Variants in IFNGR2 observed in about 807,000 individuals in gnomAD.
The protein encoded by IFNGR2 is interferon gamma receptor 2.
Under a neutral mutation model 41.1 loss-of-function variants are expected in IFNGR2, and 15 were observed. The ratio of observed to expected loss-of-function variants is 0.37; its 90% CI spans 0.24 to 0.56. IFNGR2 has a LOEUF of 0.56. Among genes scored for constraint, IFNGR2 ranks in the 20% least tolerant of loss-of-function variants. The probability of loss-of-function intolerance (pLI) is 0.81; values close to 1 mark genes in which losing one functional copy is unlikely to be tolerated. For missense variants in IFNGR2, 362 were observed against 415.7 expected, an observed-to-expected ratio of 0.87 and a Z score of 1.12; for synonymous variants, 161 against 171.6, an observed-to-expected ratio of 0.94 and a Z score of 0.48.
chr21:33,414,940 C>T lies in IFNGR2; in HGVS notation c.126C>T (p.Asn42=), dbSNP rs376457511. The T allele has an allele frequency of 1.7e-4, 267 of 1,614,172 alleles. 2 individuals carry two copies. Among genetic ancestry groups the T allele is most frequent in the East Asian group, 1.2e-3 (52 of 44,890 alleles). ...APQHPKIRLY[N]AEQVLSWEPV... Reference sequence around the variant, plus strand: ...AGCACCCGAAGATTCGCCTGTACAACGCAGAGCAGGTCCTGAGTTGGGAGC... The same window carrying T: ...AGCACCCGAAGATTCGCCTGTACAATGCAGAGCAGGTCCTGAGTTGGGAGC... The change falls in exon 2 of 7, where the codon AAC becomes AAT. Residue 42 remains asparagine (N), a synonymous_variant. Coordinates refer to ENST00000290219, the MANE Select transcript of IFNGR2 (RefSeq NM_005534.4).
In IFNGR2 at chr21:33,427,026, C is replaced by T. The variant is rs759324312; in HGVS notation, c.555C>T (p.Ile185=). The change falls in exon 4 of 7, where the codon ATC becomes ATT. Residue 185 remains isoleucine (I), a synonymous_variant. Coordinates refer to ENST00000290219, the MANE Select transcript of IFNGR2 (RefSeq NM_005534.4). ...TCCATTACTGGGAAAAAGGAGGAAT[C>T]CAACAGGCAAGAGCATCTTTCTTTT... ...YYVHYWEKGG[I]QQVKGPFRSN... is the part of the protein sequence containing the mutation. 3 of 1,611,156 alleles carry T rather than the reference C, an allele frequency of 1.9e-6. No homozygotes were observed. In the South Asian group the frequency reaches 3.3e-5, roughly 18 times the overall value.
chr21:33,418,597 T>C (rs2083769722), intron 2 of IFNGR2, among the ~76,000 whole-genome samples: 1 of 152,188 alleles, frequency 6.6e-6, no homozygotes, highest in Non-Finnish European at 1.5e-5. Flanking sequence ...CAATAAAGCA[T>C]TGCTATGATT....
intron 2 of IFNGR2, among the ~76,000 whole-genome samples, chr21:33,419,768 C>G (rs1357595032): frequency 6.6e-6 from 1 of 152,194 alleles, no homozygotes; most frequent in African/African-American, 2.4e-5. Flanking sequence ...GATGGACTTA[C>G]TTAATGTTTT....
chr21:33,425,947 C>T (rs1230115897), intron 3 of IFNGR2, among the ~76,000 whole-genome samples: 1 of 152,258 alleles, frequency 6.6e-6, no homozygotes, highest in Non-Finnish European at 1.5e-5. Flanking sequence ...AGGACCCAAA[C>T]TGTACTTTGA....
At chr21:33,405,017 GCCGAGGCGGGAGAATCACTTGAAC>G (rs2083667345) in intron 1 of IFNGR2, among the ~76,000 whole-genome samples, 2 of 151,458 alleles carry the variant, frequency 1.3e-5, no homozygotes, top group South Asian at 4.2e-4. Flanking sequence ...TACTCAGGAG[GCCGAGGCGGGAGAATCACTTGAAC>G]CCGAGAGCTG....
chr21:33,410,971 C>A, intron 1 of IFNGR2: 1 of 1,054,886 alleles, frequency 9.5e-7, no homozygotes, highest in East Asian at 2.6e-5. Flanking sequence ...AGCCTTCCAG[C>A]CCTGGTGTTT....
intron 3 of IFNGR2, among the ~76,000 whole-genome samples, chr21:33,423,770 A>G (rs1461661883): frequency 6.6e-6 from 1 of 151,178 alleles, no homozygotes; most frequent in Non-Finnish European, 1.5e-5. Context: ...AGGTGGGAGG[A>G]TCGCTTGAGC....
In IFNGR2 at chr21:33,433,379, A is replaced by G. The variant is rs62226406; in HGVS notation, c.879+508A>G. ...AGCACTCCGGTGTCGTTGAAGGATT[A>G]ATAGATAAATCTTTAATAGATGGTC... On this transcript the variant is annotated intron_variant, in intron 6 of 6. Coordinates refer to ENST00000290219, the MANE Select transcript of IFNGR2 (RefSeq NM_005534.4). Among the ~76,000 whole-genome samples the G allele has an allele frequency of 4.7e-4, 71 of 152,372 alleles. 1 individual carries two copies. Among genetic ancestry groups the G allele is most frequent in the Admixed American group, 1.0e-3 (16 of 15,302 alleles).
At chr21:33,435,196 G>A (rs2083933139) in intron 6 of IFNGR2, among the ~76,000 whole-genome samples, 1 of 152,142 alleles carries the variant, frequency 6.6e-6, no homozygotes, top group Non-Finnish European at 1.5e-5. Flanking sequence ...ATTAATCGCT[G>A]GGAAACACCC....
intron 2 of IFNGR2, 107 bp downstream of exon 2, chr21:33,415,127 C>A: frequency 2.2e-6 from 3 of 1,352,112 alleles, no homozygotes; most frequent in Non-Finnish European, 3.2e-6. Flanking sequence ...TGTTATCAAA[C>A]CCGTGGGAAA....
chr21:33,405,668 T>G (rs976782055), intron 1 of IFNGR2, among the ~76,000 whole-genome samples: 1 of 152,188 alleles, frequency 6.6e-6, no homozygotes, highest in Non-Finnish European at 1.5e-5. Flanking sequence ...GTCCATCTTG[T>G]TAATGATTAA....
chr21:33,421,788 C>A, intron 3 of IFNGR2, 103 bp downstream of exon 3: 1 of 921,128 alleles, frequency 1.1e-6, no homozygotes, highest in Non-Finnish European at 1.8e-6. Flanking sequence ...CCTAAATGAC[C>A]AGCAGACAAA....
chr21:33,429,865 G>A (rs1464907642), intron 4 of IFNGR2, among the ~76,000 whole-genome samples: 1 of 152,190 alleles, frequency 6.6e-6, no homozygotes, highest in Non-Finnish European at 1.5e-5. Context: ...CAGGCTGGGC[G>A]CGGTGGCTTA....
In IFNGR2 at chr21:33,414,924, A is replaced by T; in HGVS notation, c.110A>T (p.Lys37Met). 6 of 1,614,146 alleles carry T rather than the reference A, an allele frequency of 3.7e-6. No homozygotes were observed. Among genetic ancestry groups the T allele is most frequent in the African/African-American group, 1.3e-5 (1 of 75,028 alleles). ...LSQLPAPQHP[K>M]IRLYNAEQVL... ...CAGCTGCCCGCTCCTCAGCACCCGA[A>T]GATTCGCCTGTACAACGCAGAGCAG... Residue 37 changes from lysine (K) to methionine (M), a missense_variant, in exon 2 of 7, where the codon AAG (lysine) becomes ATG (methionine). Physicochemically the swap from Lys to Met is moderately conservative, Grantham distance 95. Coordinates refer to ENST00000290219, the MANE Select transcript of IFNGR2 (RefSeq NM_005534.4).
chr21:33,406,835 G>A (rs1047503660), intron 1 of IFNGR2, among the ~76,000 whole-genome samples: 2 of 151,752 alleles, frequency 1.3e-5, no homozygotes, highest in Non-Finnish European at 2.9e-5. Flanking sequence ...TTTTTGTAGA[G>A]ATGAGGTTTC....
At chr21:33,423,031 C>T (rs1273502943) in intron 3 of IFNGR2, among the ~76,000 whole-genome samples, 1 of 147,604 alleles carries the variant, frequency 6.8e-6, no homozygotes, top group African/African-American at 2.5e-5. Context: ...ATGATCTTCC[C>T]TCTACTTTTT....
intron 2 of IFNGR2, among the ~76,000 whole-genome samples, chr21:33,416,800 C>T (rs919261119): frequency 1.5e-4 from 19 of 130,786 alleles, no homozygotes; most frequent in East Asian, 1.3e-3. Flanking sequence ...CCAGGCTGGG[C>T]GACAGAGCGA....
intron 4 of IFNGR2, among the ~76,000 whole-genome samples, chr21:33,431,524 C>T (rs896105130): frequency 2.0e-5 from 3 of 152,178 alleles, no homozygotes; most frequent in East Asian, 1.9e-4. Flanking sequence ...GAGCCGAGGT[C>T]GCACCATTGC....
chr21:33,411,421 C>A (rs755233655), intron 1 of IFNGR2: 4 of 470,858 alleles, frequency 8.5e-6, no homozygotes, highest in Admixed American at 7.0e-5. Flanking sequence ...GAAGAAGAGA[C>A]TATTCCTGTT....
Sources: allele counts gnomAD v4.1 joint callset (sites outside exome capture counted in the v4.1 genomes callset), GRCh38; gene constraint gnomAD v4.1.1; transcripts MANE v1.5; gene names NCBI Gene and HGNC (gene_info 2026-07-23, HGNC 2026-07-21).